The following SLC2A13 variants were observed in gnomAD, a reference collection of about 807,000 sequenced individuals.
SLC2A13 encodes the protein proton myo-inositol cotransporter.
In SLC2A13, 32 loss-of-function variants were observed where a neutral mutation model predicts 64.4. The observed-to-expected ratio is 0.50, with a 90% confidence interval of 0.37 to 0.67. The LOEUF (loss-of-function observed/expected upper bound fraction) is 0.67, where lower values mean the gene tolerates loss of function less well. SLC2A13 is among the 30% of genes least tolerant of loss of function. SLC2A13 has a pLI of 0.00. For synonymous variants in SLC2A13, 338 were observed against 327.1 expected (o/e 1.03, Z -0.36); for missense variants, 743 against 829.2 (o/e 0.90, Z 1.28).
At chr12:40,096,153 T>G (rs931236278) in intron 1 of SLC2A13, among the ~76,000 whole-genome samples, 1 of 151,444 alleles carries the variant, frequency 6.6e-6, no homozygotes, top group Non-Finnish European at 1.5e-5. Flanking sequence ...ATGGTCTCGA[T>G]CTCCTGACCT....
At chr12:40,081,201 T>A (rs1194344752) in intron 1 of SLC2A13, among the ~76,000 whole-genome samples, 3 of 152,188 alleles carry the variant, frequency 2.0e-5, no homozygotes, top group Non-Finnish European at 4.4e-5. Flanking sequence ...CATCTTGTAG[T>A]ATATTGCTGA....
At chr12:39,882,220 C>T (rs140203265) in intron 4 of SLC2A13, among the ~76,000 whole-genome samples, 2,203 of 152,248 alleles carry the variant, frequency 0.014, 28 homozygotes, top group Middle Eastern at 0.034. Flanking sequence ...TACAGGATCT[C>T]CTGGAAGACT....
At chr12:39,975,056 C>T (rs1399591262) in intron 3 of SLC2A13, among the ~76,000 whole-genome samples, 1 of 152,140 alleles carries the variant, frequency 6.6e-6, no homozygotes, top group Non-Finnish European at 1.5e-5. Flanking sequence ...TTTAATGTTA[C>T]ATGAGCAAAT....
At chr12:39,956,733 C>T (rs1946319561) in intron 3 of SLC2A13, among the ~76,000 whole-genome samples, 1 of 152,088 alleles carries the variant, frequency 6.6e-6, no homozygotes, top group Non-Finnish European at 1.5e-5. Flanking sequence ...TTTTCTTGCT[C>T]TTATTCTTCC....
chr12:39,982,937 A>G (rs11174594), intron 3 of SLC2A13, among the ~76,000 whole-genome samples: 1,730 of 120,776 alleles, frequency 0.014, 4 homozygotes, highest in East Asian at 0.085. Context: ...ATACTACAAG[A>G]CTACAGTAAC....
At chr12:39,964,178 T>C (rs984677832) in intron 3 of SLC2A13, among the ~76,000 whole-genome samples, 1 of 152,186 alleles carries the variant, frequency 6.6e-6, no homozygotes, top group Non-Finnish European at 1.5e-5. Flanking sequence ...TGTAAATGTA[T>C]TCTCTAATTT....
chr12:39,855,486 C>T (rs961211835), intron 6 of SLC2A13, among the ~76,000 whole-genome samples: 2 of 152,172 alleles, frequency 1.3e-5, no homozygotes, highest in Non-Finnish European at 2.9e-5. Flanking sequence ...TGCTCTGATA[C>T]ATCTATCAGC....
intron 3 of SLC2A13, among the ~76,000 whole-genome samples, chr12:39,967,458 A>G (rs1355609530): frequency 6.6e-6 from 1 of 152,178 alleles, no homozygotes; most frequent in Admixed American, 6.5e-5. Flanking sequence ...CCAAGATTCT[A>G]TAACTCTACT....
chr12:39,826,744 T>C (rs1054568375), intron 7 of SLC2A13, among the ~76,000 whole-genome samples: 4 of 150,910 alleles, frequency 2.7e-5, no homozygotes, highest in African/African-American at 9.7e-5. Flanking sequence ...TTATAACACA[T>C]ATATATGTCA....
At chr12:39,848,152 T>G (rs751218495) in intron 6 of SLC2A13, among the ~76,000 whole-genome samples, 1 of 151,956 alleles carries the variant, frequency 6.6e-6, no homozygotes, top group Non-Finnish European at 1.5e-5. Context: ...CAAAACCAAT[T>G]GCAACAAAAA....
At chr12:40,060,964 A>C (rs1252648162) in intron 1 of SLC2A13, among the ~76,000 whole-genome samples, 1 of 152,184 alleles carries the variant, frequency 6.6e-6, no homozygotes, top group Non-Finnish European at 1.5e-5. Context: ...AGGTTAAAGA[A>C]AGTTAATGTG....
At chr12:39,994,487 GA>G (rs897616689) in intron 3 of SLC2A13, among the ~76,000 whole-genome samples, 2 of 149,470 alleles carry the variant, frequency 1.3e-5, no homozygotes, top group African/African-American at 2.5e-5. Context: ...TAGAAAAAGG[GA>G]AAAAAAAACA....
At position 40,105,303 on chromosome 12, in the gene SLC2A13, T is replaced by C. The variant is rs1939269143; in HGVS notation, c.506A>G (p.Asn169Ser). The change falls in exon 1 of 10, where the codon AAC becomes AGC. Residue 169 changes from asparagine (N) to serine (S), a missense_variant. This residue lies in a region of SLC2A13 where 448 missense variants were observed against 447.4 expected (regional missense o/e 1.00). Coordinates refer to ENST00000280871, the MANE Select transcript of SLC2A13 (RefSeq NM_052885.4). This position sits in a 1 kb window ranked among gnomAD's most constrained non-coding sequence, Gnocchi z 4.2. ...GCCGGCGAGCAGTGTCTCCTTGTTGTTGGCCGCAGCCAGCACCGCGGAGCC... is the reference window on the plus strand; with the variant it reads ...GCCGGCGAGCAGTGTCTCCTTGTTGCTGGCCGCAGCCAGCACCGCGGAGCC... Reference protein sequence around the residue: ...TAGSAVLAAANNKETLLAGRL... With the variant: ...TAGSAVLAAASNKETLLAGRL... 4 of 1,602,364 alleles carry C rather than the reference T, an allele frequency of 2.5e-6. No individual in the cohort carries two copies. Among genetic ancestry groups the C allele is most frequent in the Non-Finnish European group, 3.4e-6 (4 of 1,176,238 alleles).
intron 3 of SLC2A13, among the ~76,000 whole-genome samples, chr12:39,968,329 A>G (rs7980080): frequency 0.55 from 83,478 of 151,824 alleles, 23,689 homozygotes; most frequent in East Asian, 0.7. Context: ...CGAGAACAAC[A>G]TGGAGGTAAC....
intron 6 of SLC2A13, among the ~76,000 whole-genome samples, chr12:39,858,316 G>T (rs754913032): frequency 1.3e-5 from 2 of 152,012 alleles, no homozygotes; most frequent in Non-Finnish European, 2.9e-5. Flanking sequence ...TCTCCAATGG[G>T]TCTGTAGATA....
chr12:39,853,366 T>C (rs933542748), intron 6 of SLC2A13, among the ~76,000 whole-genome samples: 3 of 152,096 alleles, frequency 2.0e-5, no homozygotes, highest in Non-Finnish European at 4.4e-5. Flanking sequence ...ATATACTATC[T>C]TTATGACAGA....
intron 4 of SLC2A13, among the ~76,000 whole-genome samples, chr12:39,915,341 T>C (rs1254436002): frequency 5.9e-5 from 9 of 151,996 alleles, no homozygotes; most frequent in Non-Finnish European, 1.5e-5. Context: ...TATTGACAAG[T>C]GAGTTAACAG....
chr12:39,765,509 A>C (rs1285156147), intron 7 of SLC2A13, among the ~76,000 whole-genome samples: 1 of 151,922 alleles, frequency 6.6e-6, no homozygotes, highest in Non-Finnish European at 1.5e-5. Context: ...ATATTACCAG[A>C]CTCAAAAACA....
intron 4 of SLC2A13, among the ~76,000 whole-genome samples, chr12:39,931,923 A>G (rs1945831937): frequency 6.6e-6 from 1 of 152,064 alleles, no homozygotes; most frequent in African/African-American, 2.4e-5. Flanking sequence ...ATATTATCCT[A>G]ATATCATAGT....
Sources: allele counts gnomAD v4.1 joint callset (sites outside exome capture counted in the v4.1 genomes callset), GRCh38; gene constraint gnomAD v4.1.1; regional missense constraint gnomAD v4.1.1; non-coding constraint Gnocchi (gnomAD v3.1); transcripts MANE v1.5; gene names NCBI Gene and HGNC (gene_info 2026-07-23, HGNC 2026-07-21).